NEBL: variants seen among roughly 807,000 people sequenced by gnomAD.
NEBL encodes LIM and SH3 protein 2.
Under a neutral mutation model 140.2 loss-of-function variants are expected in NEBL, and 122 were observed. That is an observed-to-expected ratio of 0.87 (90% confidence interval 0.75 to 1.01). The LOEUF is 1.01. NEBL is among the 50% of genes least tolerant of loss of function. NEBL has a pLI of 0.00. For synonymous variants in NEBL, 436 were observed against 398.9 expected (o/e 1.09, Z -1.11); for missense variants, 1,365 against 1,231.3 (o/e 1.11, Z -1.62).
At chr10:21,253,225 C>T (rs1413768307) in intron 1 of NEBL, among the ~76,000 whole-genome samples, 4 of 152,164 alleles carry the variant, frequency 2.6e-5, no homozygotes, top group African/African-American at 9.7e-5. Context: ...GAGCCAAGAT[C>T]GTGCCATTGC....
chr10:20,895,514 ACC>A (rs1847399667), intron 2 of NEBL, among the ~76,000 whole-genome samples: 1 of 152,288 alleles, frequency 6.6e-6, no homozygotes, highest in South Asian at 2.1e-4. Flanking sequence ...CCTAGCGCCT[ACC>A]TCGCAAGCTG....
chr10:21,136,645 T>C (rs1259633109), intron 2 of NEBL, among the ~76,000 whole-genome samples: 1 of 152,180 alleles, frequency 6.6e-6, no homozygotes, highest in Non-Finnish European at 1.5e-5. Context: ...CAAGTTCCCT[T>C]TTGCCTTCCT....
intron 3 of NEBL, among the ~76,000 whole-genome samples, chr10:21,190,944 G>A (rs1469437364): frequency 6.6e-6 from 1 of 152,142 alleles, no homozygotes. Flanking sequence ...TCTCTCTGAG[G>A]ACCAAGAATA....
intron 4 of NEBL, among the ~76,000 whole-genome samples, chr10:20,914,473 A>G (rs765176294): frequency 6.6e-6 from 1 of 152,226 alleles, no homozygotes; most frequent in African/African-American, 2.4e-5. Flanking sequence ...TTGGAAGCAA[A>G]CATTCCTAAT....
intron 3 of NEBL, among the ~76,000 whole-genome samples, chr10:21,241,671 C>G (rs1406901629): frequency 6.6e-6 from 1 of 152,028 alleles, no homozygotes; most frequent in Non-Finnish European, 1.5e-5. Context: ...ATCTGGAGAG[C>G]CAGATGTGGA....
At chr10:21,077,252 G>A (rs970250355) in intron 2 of NEBL, among the ~76,000 whole-genome samples, 3 of 152,102 alleles carry the variant, frequency 2.0e-5, no homozygotes, top group Non-Finnish European at 2.9e-5. Flanking sequence ...AGGAATTGGG[G>A]GAAGAAAAGC....
At chr10:21,190,202 A>T (rs1368528884) in intron 3 of NEBL, among the ~76,000 whole-genome samples, 2 of 152,222 alleles carry the variant, frequency 1.3e-5, no homozygotes, top group Non-Finnish European at 2.9e-5. Context: ...GGATTAGGCC[A>T]GGCCTAGTGG....
chr10:20,981,492 T>C (rs559861351), intron 3 of NEBL, among the ~76,000 whole-genome samples: 27 of 152,316 alleles, frequency 1.8e-4, no homozygotes, highest in African/African-American at 6.3e-4. Flanking sequence ...GCATTTGTCA[T>C]TCCTTGAGCA....
chr10:21,105,578 G>A (rs1837678349), intron 2 of NEBL, among the ~76,000 whole-genome samples: 1 of 152,080 alleles, frequency 6.6e-6, no homozygotes, highest in Admixed American at 6.5e-5. Context: ...TCTTAATCCA[G>A]TCTATCATTG....
chr10:21,007,985 T>TA (rs201919304), intron 3 of NEBL, among the ~76,000 whole-genome samples: 143 of 152,370 alleles, frequency 9.4e-4, no homozygotes, highest in African/African-American at 3.0e-3. Context: ...AGGTGACTGT[T>TA]AGAGTGTCCA....
At chr10:21,018,521 A>C (rs1388225942) in intron 3 of NEBL, among the ~76,000 whole-genome samples, 1 of 152,196 alleles carries the variant, frequency 6.6e-6, no homozygotes, top group African/African-American at 2.4e-5. Context: ...AGCATTTTAC[A>C]CAAACTAAAA....
intron 2 of NEBL, among the ~76,000 whole-genome samples, chr10:21,038,016 T>C (rs1834087161): frequency 6.6e-6 from 1 of 152,126 alleles, no homozygotes; most frequent in Admixed American, 6.5e-5. Flanking sequence ...AGTAGATTCT[T>C]CAGAAACCTT....
intron 2 of NEBL, chr10:21,172,260 C>G (rs986181590): frequency 1.3e-5 from 10 of 754,128 alleles, no homozygotes; most frequent in Non-Finnish European, 2.4e-5. Context: ...GTGATATAAA[C>G]AGGTAACTGG....
intron 2 of NEBL, among the ~76,000 whole-genome samples, chr10:21,139,133 G>A (rs1018089872): frequency 2.6e-5 from 4 of 152,134 alleles, no homozygotes; most frequent in Non-Finnish European, 4.4e-5. Flanking sequence ...TAAGAGTCAC[G>A]GCTGGCCTAG....
At chr10:21,288,852 A>AG (rs1843104428) in intron 1 of NEBL, among the ~76,000 whole-genome samples, 1 of 98,012 alleles carries the variant, frequency 1.0e-5, no homozygotes, top group Non-Finnish European at 1.9e-5. Flanking sequence ...ATATATATAA[A>AG]AATTTTTTTT....
chr10:20,919,059 A>T lies in NEBL; in HGVS notation c.357+42613T>A, dbSNP rs149180388. On this transcript the variant is annotated intron_variant, in intron 4 of 6. Transcript: ENST00000417816. The stretch of plus-strand genomic sequence containing the variant: ...TATTACTATTACTCATTTCAGAAAG[A>T]TTCCAAATGCCTTAAGATGCAATAT... 4.8e-3 allele frequency among the ~76,000 whole-genome samples: 732 copies of T among 152,242 alleles called. 8 individuals carry two copies. Among genetic ancestry groups the T allele is most frequent in the African/African-American group, 0.017 (712 of 41,550 alleles).
At chr10:20,819,833 TC>T (rs1253442315) in intron 19 of NEBL, among the ~76,000 whole-genome samples, 2 of 151,980 alleles carry the variant, frequency 1.3e-5, no homozygotes, top group East Asian at 3.9e-4. Flanking sequence ...CCAGCGATCC[TC>T]CCGACTCGGC....
chr10:20,799,057 G>A (rs1410528627), intron 26 of NEBL, among the ~76,000 whole-genome samples: 1 of 150,908 alleles, frequency 6.6e-6, no homozygotes, highest in South Asian at 2.1e-4. Flanking sequence ...TAGATGTACA[G>A]ACTAGATGGT....
At chr10:21,020,026 C>A (rs886105021) in intron 3 of NEBL, 1 of 1,157,712 alleles carries the variant, frequency 8.6e-7, no homozygotes. Context: ...GGTGACCCAG[C>A]AGGAACAGTA....
Sources: allele counts gnomAD v4.1 joint callset (sites outside exome capture counted in the v4.1 genomes callset), GRCh38; gene constraint gnomAD v4.1.1; transcripts MANE v1.5; gene names NCBI Gene and HGNC (gene_info 2026-07-23, HGNC 2026-07-21).